Variants in CPQ observed in about 807,000 individuals in gnomAD.
CPQ encodes the protein carboxypeptidase Q, also known as Ser-Met dipeptidase.
A neutral mutation model predicts 45.7 loss-of-function variants in CPQ; 37 were observed. The observed-to-expected ratio is 0.81, with a 90% confidence interval of 0.62 to 1.07. The LOEUF (loss-of-function observed/expected upper bound fraction) is 1.07. CPQ is among the 50% of genes least tolerant of loss of function. The pLI, the probability that CPQ is intolerant of heterozygous loss-of-function variation, is 0.00. For synonymous variants in CPQ, 186 were observed against 205.8 expected (o/e 0.90, Z 0.82); for missense variants, 537 against 572.9 (o/e 0.94, Z 0.64).
intron 4 of CPQ, among the ~76,000 whole-genome samples, chr8:96,886,640 C>T (rs773653939): frequency 6.6e-6 from 1 of 152,194 alleles, no homozygotes; most frequent in African/African-American, 2.4e-5. Context: ...CAAGGGGACA[C>T]AGCAAATATG....
At chr8:96,738,564 C>A (rs1810027865) in intron 1 of CPQ, among the ~76,000 whole-genome samples, 1 of 152,056 alleles carries the variant, frequency 6.6e-6, no homozygotes, top group South Asian at 2.1e-4. Context: ...CACCCACAAA[C>A]TTGTCATCTA....
At chr8:96,901,982 C>T (rs755353604) in intron 4 of CPQ, among the ~76,000 whole-genome samples, 12 of 152,036 alleles carry the variant, frequency 7.9e-5, no homozygotes, top group Non-Finnish European at 1.8e-4. Flanking sequence ...TTTGTCGTTC[C>T]AGGAATTCAG....
chr8:97,034,472 G>A (rs1015552506), intron 6 of CPQ, among the ~76,000 whole-genome samples: 7 of 152,158 alleles, frequency 4.6e-5, no homozygotes, highest in African/African-American at 1.7e-4. Context: ...ATAAGCTTGA[G>A]AATGACTTAT....
At chr8:97,113,589 G>A (rs1811535423) in intron 7 of CPQ, among the ~76,000 whole-genome samples, 1 of 152,124 alleles carries the variant, frequency 6.6e-6, no homozygotes, top group Admixed American at 6.5e-5. Context: ...GCAGGTTCTG[G>A]AGCAAACCTC....
intron 6 of CPQ, among the ~76,000 whole-genome samples, chr8:97,039,766 G>C (rs576546550): frequency 6.6e-6 from 1 of 152,160 alleles, no homozygotes; most frequent in East Asian, 1.9e-4. Context: ...AGTTTACTGA[G>C]AATGATGATT....
chr8:96,967,859 G>A (rs1052567995), intron 5 of CPQ, among the ~76,000 whole-genome samples: 3 of 152,128 alleles, frequency 2.0e-5, no homozygotes, highest in Non-Finnish European at 2.9e-5. Context: ...TTGCCTCTCT[G>A]TGCCTCAATT....
intron 2 of CPQ, among the ~76,000 whole-genome samples, chr8:96,800,689 C>T (rs1315237082): frequency 6.6e-6 from 1 of 151,762 alleles, no homozygotes; most frequent in African/African-American, 2.4e-5. Context: ...TAAAGCTGGG[C>T]TTTAAAAAAG....
chr8:97,054,058 T>C (rs940331651), intron 6 of CPQ, among the ~76,000 whole-genome samples: 1 of 152,082 alleles, frequency 6.6e-6, no homozygotes, highest in Non-Finnish European at 1.5e-5. Flanking sequence ...AAGTTTGAGA[T>C]ATCAGACTTT....
chr8:96,754,093 A>G (rs1810297985), intron 1 of CPQ, among the ~76,000 whole-genome samples: 1 of 152,020 alleles, frequency 6.6e-6, no homozygotes, highest in African/African-American at 2.4e-5. Context: ...TTATTGTTTT[A>G]ATATACTTTG....
At chr8:96,955,765 A>C (rs571898227) in intron 4 of CPQ, among the ~76,000 whole-genome samples, 3 of 152,294 alleles carry the variant, frequency 2.0e-5, no homozygotes, top group Admixed American at 6.5e-5. Context: ...CAAAAACAAG[A>C]CATGGGGAAA....
chr8:97,057,484 C>T (rs1810475397), intron 6 of CPQ, among the ~76,000 whole-genome samples: 1 of 152,074 alleles, frequency 6.6e-6, no homozygotes, highest in South Asian at 2.1e-4. Context: ...CTTTCTCTTC[C>T]TAGATAATGA....
intron 6 of CPQ, among the ~76,000 whole-genome samples, chr8:97,040,945 T>C (rs1474042069): frequency 7.2e-5 from 11 of 152,132 alleles, no homozygotes; most frequent in East Asian, 1.9e-4. Flanking sequence ...TCTTTTGGCT[T>C]AGGATTGACT....
rs183402367 is a variant in CPQ, at chr8:97,047,606, G to A, written c.1053+18112G>A. 1.7e-3 allele frequency among the ~76,000 whole-genome samples: 259 copies of A among 152,006 alleles called. 3 individuals are homozygous for A. Among genetic ancestry groups the A allele is most frequent in the Admixed American group, 0.013 (197 of 15,262 alleles). On this transcript the variant is annotated intron_variant, in intron 6 of 7. Transcript: ENST00000220763. ...AAAATAAATATTTGTATTTGTTCACGAAGTTAATTCTATAAATCCTGCTAC... is the reference window on the plus strand; with the variant it reads ...AAAATAAATATTTGTATTTGTTCACAAAGTTAATTCTATAAATCCTGCTAC...
chr8:96,745,611 G>A (rs1198547193), intron 1 of CPQ, among the ~76,000 whole-genome samples: 1 of 152,192 alleles, frequency 6.6e-6, no homozygotes, highest in Admixed American at 6.5e-5. Context: ...GAGGCTCAGA[G>A]AGATTAAAGA....
chr8:96,861,099 TG>T (rs1811921284), intron 3 of CPQ, among the ~76,000 whole-genome samples: 1 of 152,172 alleles, frequency 6.6e-6, no homozygotes, highest in Admixed American at 6.5e-5. Flanking sequence ...CATTTGACAT[TG>T]GGCTTTGCAC....
intron 6 of CPQ, among the ~76,000 whole-genome samples, chr8:97,032,575 AG>A (rs1473805807): frequency 2.0e-5 from 3 of 152,176 alleles, no homozygotes; most frequent in Non-Finnish European, 4.4e-5. Flanking sequence ...GACCCACTCT[AG>A]GGTCTTCCTT....
chr8:96,834,858 T>G, intron 2 of CPQ, 115 bp from the exon 3 acceptor site: 2 of 878,092 alleles, frequency 2.3e-6, no homozygotes, highest in Non-Finnish European at 3.5e-6. Context: ...ACTTTGATCT[T>G]CTTATACCAG....
intron 1 of CPQ, among the ~76,000 whole-genome samples, chr8:96,772,051 A>G (rs1810550248): frequency 6.6e-6 from 1 of 152,168 alleles, no homozygotes. Context: ...AGTAGGGTAT[A>G]TCTTGAATGC....
intron 7 of CPQ, among the ~76,000 whole-genome samples, chr8:97,078,518 A>G (rs565672142): frequency 2.3e-4 from 35 of 152,038 alleles, no homozygotes; most frequent in Non-Finnish European, 4.3e-4. Flanking sequence ...TTACATCTGC[A>G]TTTTCTTTTT....
Sources: allele counts gnomAD v4.1 joint callset (sites outside exome capture counted in the v4.1 genomes callset), GRCh38; gene constraint gnomAD v4.1.1; transcripts MANE v1.5; gene names NCBI Gene and HGNC (gene_info 2026-07-23, HGNC 2026-07-21).